ZNF536: variants seen among roughly 807,000 people sequenced by gnomAD.
ZNF536 encodes the protein zinc finger protein 536.
ZNF536 carries 13 observed loss-of-function variants against 84.5 expected under a neutral mutation model. The observed-to-expected ratio is 0.15, with a 90% CI of 0.10 to 0.24. The LOEUF is 0.24. ZNF536 is among the 10% of genes least tolerant of loss of function. ZNF536 has a pLI of 1.00. For missense variants in ZNF536, 1,536 were observed against 1,747.5 expected, an observed-to-expected ratio of 0.88 and a Z score of 2.16; for synonymous variants, 811 against 742.5, an observed-to-expected ratio of 1.09 and a Z score of -1.50.
chr19:30,689,986 G>T (rs947181666), intron 1 of ZNF536, among the ~76,000 whole-genome samples: 3 of 152,126 alleles, frequency 2.0e-5, no homozygotes, highest in African/African-American at 7.2e-5. Context: ...TGCCAGTGAG[G>T]CACCCTCTTT....
chr19:30,279,420 C>G lies in ZNF536; in HGVS notation c.-189-4652C>G, dbSNP rs550248130. 6.2e-4 allele frequency among the ~76,000 whole-genome samples: 95 copies of G among 152,182 alleles called. 1 individual carries two copies. Among genetic ancestry groups the G allele is most frequent in the Non-Finnish European group, 2.1e-4 (14 of 68,016 alleles). On this transcript the variant is annotated intron_variant, in intron 1 of 5. Transcript: ENST00000585628. ...TCCCTGGGAGCTTTCCACACCAGGA[C>G]CCCCTTCCTGTTGGAAATCTGTAGC...
chr19:30,577,169 A>G (rs1029811795), intron 1 of ZNF536, among the ~76,000 whole-genome samples: 1 of 152,220 alleles, frequency 6.6e-6, no homozygotes, highest in African/African-American at 2.4e-5. Flanking sequence ...CTTTAATACC[A>G]AAATATCACA....
chr19:30,533,278 T>C (rs2044929006), intron 2 of ZNF536, among the ~76,000 whole-genome samples: 2 of 152,122 alleles, frequency 1.3e-5, no homozygotes, highest in Non-Finnish European at 2.9e-5. Flanking sequence ...CCTAGCTCTT[T>C]GGGAGGCTGA....
intron 1 of ZNF536, among the ~76,000 whole-genome samples, chr19:30,421,345 G>A (rs868355570): frequency 4.6e-5 from 7 of 152,100 alleles, no homozygotes; most frequent in Admixed American, 6.5e-5. Flanking sequence ...TCCTGACCAG[G>A]GAGAAGCAAG....
intron 2 of ZNF536, among the ~76,000 whole-genome samples, chr19:30,336,287 T>C (rs1462165536): frequency 6.6e-6 from 1 of 152,216 alleles, no homozygotes; most frequent in Non-Finnish European, 1.5e-5. Flanking sequence ...GCAGAAACCA[T>C]GTCTGATGGC....
intron 1 of ZNF536, among the ~76,000 whole-genome samples, chr19:30,238,873 C>A (rs2023739384): frequency 6.6e-6 from 1 of 151,978 alleles, no homozygotes; most frequent in Admixed American, 6.6e-5. Flanking sequence ...ATACCAGAGA[C>A]TCCCCTAATT....
chr19:30,517,027 G>T (rs532957852), intron 2 of ZNF536, among the ~76,000 whole-genome samples: 1 of 152,038 alleles, frequency 6.6e-6, no homozygotes, highest in Non-Finnish European at 1.5e-5. Flanking sequence ...TCTTTACATC[G>T]CCTGGTTCTC....
intron 2 of ZNF536, among the ~76,000 whole-genome samples, chr19:30,496,806 C>T (rs764698141): frequency 1.1e-4 from 16 of 151,770 alleles, no homozygotes; most frequent in East Asian, 1.9e-4. Context: ...GTGAGCTAGT[C>T]GAGTAGGTGC....
At chr19:30,677,904 C>T (rs1033473081) in intron 1 of ZNF536, among the ~76,000 whole-genome samples, 2 of 152,062 alleles carry the variant, frequency 1.3e-5, no homozygotes, top group East Asian at 1.9e-4. Flanking sequence ...ATGGGGTGAA[C>T]GGGAGGCACC....
intron 2 of ZNF536, among the ~76,000 whole-genome samples, chr19:30,459,581 C>T (rs1043256435): frequency 1.3e-5 from 2 of 152,122 alleles, no homozygotes; most frequent in South Asian, 2.1e-4. Flanking sequence ...GAACTCCTGA[C>T]CTCAAGTGAC....
chr19:30,257,621 G>A (rs2145197238), intron 1 of ZNF536, among the ~76,000 whole-genome samples: 1 of 152,360 alleles, frequency 6.6e-6, no homozygotes, highest in South Asian at 2.1e-4. Context: ...CAGCTGACCA[G>A]CTTTAGGTTG....
At chr19:30,483,782 C>A (rs1409197242) in intron 2 of ZNF536, among the ~76,000 whole-genome samples, 1 of 152,100 alleles carries the variant, frequency 6.6e-6, no homozygotes, top group Non-Finnish European at 1.5e-5. Context: ...AACCCATGGG[C>A]CTTCAGAAAA....
chr19:30,331,651 G>C (rs545638709), intron 2 of ZNF536, among the ~76,000 whole-genome samples: 39 of 151,970 alleles, frequency 2.6e-4, no homozygotes, highest in African/African-American at 8.9e-4. Flanking sequence ...CTTGACCTTA[G>C]CCATCCATTT....
intron 1 of ZNF536, among the ~76,000 whole-genome samples, chr19:30,413,961 C>T (rs2050604492): frequency 1.3e-5 from 2 of 151,762 alleles, no homozygotes; most frequent in Non-Finnish European, 2.9e-5. Flanking sequence ...GGCGTGGCGG[C>T]GGGTGCCTAT....
At chr19:30,603,486 G>A (rs1278115652) in intron 1 of ZNF536, among the ~76,000 whole-genome samples, 2 of 152,286 alleles carry the variant, frequency 1.3e-5, no homozygotes, top group East Asian at 3.9e-4. Context: ...AAATAGTGTG[G>A]AGTCTGTTTC....
intron 1 of ZNF536, among the ~76,000 whole-genome samples, chr19:30,578,699 G>A (rs1282428566): frequency 6.6e-6 from 1 of 152,234 alleles, no homozygotes; most frequent in Admixed American, 6.5e-5. Context: ...AAACATCTAG[G>A]TTGGAAAGTT....
chr19:30,497,060 C>G (rs1439954000), intron 2 of ZNF536, among the ~76,000 whole-genome samples: 2 of 152,174 alleles, frequency 1.3e-5, no homozygotes, highest in Non-Finnish European at 2.9e-5. Context: ...AGGTGCTCCT[C>G]CCCCTCTACT....
intron 1 of ZNF536, among the ~76,000 whole-genome samples, chr19:30,264,468 G>T (rs2025398263): frequency 2.0e-5 from 3 of 151,398 alleles, no homozygotes; most frequent in South Asian, 4.2e-4. Flanking sequence ...ATTGTTCAGG[G>T]CCAGAGACAA....
intron 1 of ZNF536, among the ~76,000 whole-genome samples, chr19:30,439,028 C>A (rs1318672443): frequency 6.6e-6 from 1 of 152,150 alleles, no homozygotes. Flanking sequence ...GCTCTTATGT[C>A]TGCAGCTGGA....
Sources: allele counts gnomAD v4.1 joint callset (sites outside exome capture counted in the v4.1 genomes callset), GRCh38; gene constraint gnomAD v4.1.1; transcripts MANE v1.5; gene names NCBI Gene and HGNC (gene_info 2026-07-23, HGNC 2026-07-21).